NEDD9: variants seen among roughly 807,000 people sequenced by gnomAD.
NEDD9 encodes neural precursor cell expressed, developmentally down-regulated 9.
NEDD9 carries 26 observed loss-of-function variants against 76.6 expected under a neutral mutation model. The observed-to-expected ratio is 0.34, with a 90% CI of 0.25 to 0.47. NEDD9 has a LOEUF of 0.47. Among genes scored for constraint, NEDD9 ranks in the 20% least tolerant of loss-of-function variants. The probability of loss-of-function intolerance (pLI) is 1.00; values close to 1 mark genes in which losing one functional copy is unlikely to be tolerated. For missense variants in NEDD9, 937 were observed against 1,058.5 expected, an observed-to-expected ratio of 0.89 and a Z score of 1.59; for synonymous variants, 392 against 414.2, an observed-to-expected ratio of 0.95 and a Z score of 0.65.
intron 2 of NEDD9, among the ~76,000 whole-genome samples, chr6:11,313,602 G>A (rs1279927552): frequency 6.6e-6 from 1 of 151,280 alleles, no homozygotes; most frequent in East Asian, 1.9e-4. Flanking sequence ...GTGAATGGAA[G>A]GATGGATGGA....
chr6:11,238,025 G>T (rs1457056223), intron 3 of NEDD9, among the ~76,000 whole-genome samples: 1 of 152,166 alleles, frequency 6.6e-6, no homozygotes, highest in Non-Finnish European at 1.5e-5. Flanking sequence ...AACTTTTCCA[G>T]TCTTTTACAA....
chr6:11,234,031 G>A (rs1561801071), upstream of NEDD9, among the ~76,000 whole-genome samples: 1 of 152,294 alleles, frequency 6.6e-6, no homozygotes, highest in Admixed American at 6.5e-5. Flanking sequence ...TCCAGATACA[G>A]GGTTGGCAGG....
chr6:11,375,970 G>A (rs768089562), intron 1 of NEDD9, among the ~76,000 whole-genome samples: 3 of 152,036 alleles, frequency 2.0e-5, no homozygotes, highest in Admixed American at 6.5e-5. Flanking sequence ...GACTACAGGC[G>A]CCCGTCACCA....
At chr6:11,303,385 G>T in intron 3 of NEDD9, among the ~76,000 whole-genome samples, 1 of 152,198 alleles carries the variant, frequency 6.6e-6, no homozygotes, top group East Asian at 1.9e-4. Flanking sequence ...ACAAATGGAA[G>T]AACATTCCAT....
At chr6:11,372,351 A>C (rs1261905324) in intron 1 of NEDD9, among the ~76,000 whole-genome samples, 3 of 152,194 alleles carry the variant, frequency 2.0e-5, no homozygotes, top group Admixed American at 6.5e-5. Flanking sequence ...TTATGGGTGA[A>C]TAGTACTCCA....
At chr6:11,363,845 A>T (rs1474301269) in intron 1 of NEDD9, among the ~76,000 whole-genome samples, 1 of 152,156 alleles carries the variant, frequency 6.6e-6, no homozygotes, top group Non-Finnish European at 1.5e-5. Flanking sequence ...GGCTAAAAAA[A>T]TCTGTAGGGC....
chr6:11,201,597 T>G (rs1758458529), intron 2 of NEDD9, among the ~76,000 whole-genome samples: 1 of 152,208 alleles, frequency 6.6e-6, no homozygotes, highest in Non-Finnish European at 1.5e-5. Context: ...GGAGACTGGG[T>G]AACTTCACTA....
At chr6:11,349,317 G>T (rs1762421713) in intron 1 of NEDD9, among the ~76,000 whole-genome samples, 1 of 152,200 alleles carries the variant, frequency 6.6e-6, no homozygotes, top group Non-Finnish European at 1.5e-5. Context: ...ATATACCATT[G>T]GTGGGAGTGT....
At chr6:11,379,886 G>A (rs948828818) in intron 1 of NEDD9, among the ~76,000 whole-genome samples, 14 of 152,324 alleles carry the variant, frequency 9.2e-5, no homozygotes, top group Admixed American at 2.6e-4. Flanking sequence ...TGTATCTTGT[G>A]CTATATAAAA....
In NEDD9 at chr6:11,328,314, G is replaced by C. The variant is rs370753043; in HGVS notation, c.-153+6187C>G. 7.9e-5 allele frequency among the ~76,000 whole-genome samples: 12 copies of C among 152,324 alleles called. No individual in the cohort carries two copies. In the East Asian group the frequency reaches 1.2e-3, roughly 15 times the overall value. On this transcript the variant is annotated intron_variant, in intron 2 of 3. Coordinates refer to the NEDD9 transcript ENST00000397378. ...GTCAAAAGTATCTCCACTGAGAAAC[G>C]CTGAATACAAGAATGGGCTTTACAT... is the stretch of plus-strand genomic sequence containing the variant.
intron 3 of NEDD9, among the ~76,000 whole-genome samples, chr6:11,253,888 G>T (rs1261360315): frequency 6.6e-6 from 1 of 152,078 alleles, no homozygotes; most frequent in Non-Finnish European, 1.5e-5. Context: ...GCACACGTCT[G>T]GTCATTTTGT....
chr6:11,365,462 C>T (rs891665832), intron 1 of NEDD9, among the ~76,000 whole-genome samples: 1 of 152,140 alleles, frequency 6.6e-6, no homozygotes, highest in Admixed American at 6.5e-5. Flanking sequence ...TCATCTTCAC[C>T]CTACACTCCT....
rs201210787 is a variant in NEDD9, at chr6:11,277,748, G to A, written c.12+28244C>T. ...CTTCCAGCATGTGGGAACTTGAGGG[G>A]CAATTCTCTTTCTGATTCTACAGCG... On this transcript the variant is annotated intron_variant, in intron 3 of 3. Coordinates refer to the NEDD9 transcript ENST00000397378. Among the ~76,000 whole-genome samples the A allele has an allele frequency of 2.0e-4, 31 of 152,266 alleles. No individual in the cohort carries two copies. In the East Asian group the frequency reaches 5.4e-3, roughly 27 times the overall value.
At chr6:11,232,396 T>G (rs1383737467) in intron 1 of NEDD9, 108 bp downstream of exon 1, 12 of 1,393,410 alleles carry the variant, frequency 8.6e-6, no homozygotes, top group Non-Finnish European at 1.2e-5. Flanking sequence ...ATCTTAGAAC[T>G]CTCCGGGACA....
At chr6:11,355,048 A>G (rs533867739) in intron 1 of NEDD9, among the ~76,000 whole-genome samples, 12 of 152,304 alleles carry the variant, frequency 7.9e-5, no homozygotes, top group Admixed American at 3.9e-4. Flanking sequence ...CTGGCAAGCT[A>G]AAGAGTTCTG....
intron 3 of NEDD9, among the ~76,000 whole-genome samples, chr6:11,256,208 T>A (rs1561807838): frequency 6.6e-6 from 1 of 152,208 alleles, no homozygotes; most frequent in Non-Finnish European, 1.5e-5. Flanking sequence ...CCACCTGCCT[T>A]GGTGCTTCAG....
intron 3 of NEDD9, among the ~76,000 whole-genome samples, chr6:11,302,234 A>G (rs1582009808): frequency 6.6e-6 from 1 of 152,354 alleles, no homozygotes; most frequent in African/African-American, 2.4e-5. Flanking sequence ...AATACTATAA[A>G]CACCTCTATG....
chr6:11,209,813 C>T (rs961477205), intron 2 of NEDD9, among the ~76,000 whole-genome samples: 2 of 152,074 alleles, frequency 1.3e-5, no homozygotes, highest in African/African-American at 4.8e-5. Flanking sequence ...TGCTTGTTTC[C>T]TAAAAGGGTG....
chr6:11,346,339 T>C (rs2179179), intron 1 of NEDD9, among the ~76,000 whole-genome samples: 34,901 of 152,154 alleles, frequency 0.23, 4,272 homozygotes, highest in East Asian at 0.53. Flanking sequence ...GTCATGATGG[T>C]GGCAGCCCTT....
Sources: gnomAD v4.1 joint callset for allele counts (sites outside exome capture counted in the v4.1 genomes callset) on GRCh38, gnomAD v4.1.1 for gene constraint, MANE v1.5 for transcripts, NCBI Gene and HGNC (gene_info 2026-07-23, HGNC 2026-07-21) for gene names.